The following ATP8B1 variants were observed in gnomAD, a reference collection of about 807,000 sequenced individuals.
ATP8B1 encodes the protein ATPase phospholipid transporting 8B1, also known as phospholipid-transporting ATPase IC.
In ATP8B1, 80 loss-of-function variants were observed where a neutral mutation model predicts 149.9. The observed-to-expected ratio is 0.53, with a 90% CI of 0.45 to 0.64. The LOEUF is 0.64. Among genes scored for constraint, ATP8B1 ranks in the 30% least tolerant of loss-of-function variants. The pLI is 0.00. For synonymous variants in ATP8B1, 536 were observed against 562.8 expected, an observed-to-expected ratio of 0.95 and a Z score of 0.67; for missense variants, 1,247 against 1,552.6, an observed-to-expected ratio of 0.80 and a Z score of 3.31.
At chr18:57,729,549 CTTTTTTTT>C (rs71171074) in intron 2 of ATP8B1, among the ~76,000 whole-genome samples, 2 of 120,740 alleles carry the variant, frequency 1.7e-5, no homozygotes, top group Admixed American at 9.0e-5. Context: ...TTCTTTCTTT[CTTTTTTTT>C]TTTTTTTTTT....
chr18:57,777,262 G>A (rs1159333971), intron 1 of ATP8B1, among the ~76,000 whole-genome samples: 1 of 152,166 alleles, frequency 6.6e-6, no homozygotes, highest in Non-Finnish European at 1.5e-5. Flanking sequence ...ACAGGTGTGA[G>A]CCACAGTGCC....
intron 25 of ATP8B1, 32 bp downstream of exon 25, chr18:57,652,452 G>T (rs1354118518): frequency 3.1e-6 from 5 of 1,613,764 alleles, no homozygotes; most frequent in Non-Finnish European, 4.2e-6. Flanking sequence ...GGTACCAATA[G>T]ACACTGAATA....
At chr18:57,701,654 G>T (rs1008256840) in intron 4 of ATP8B1, among the ~76,000 whole-genome samples, 1 of 152,034 alleles carries the variant, frequency 6.6e-6, no homozygotes, top group Non-Finnish European at 1.5e-5. Context: ...CTGGGGGTGA[G>T]GGGGTAGGAG....
chr18:57,752,842 T>C (rs924573936), intron 1 of ATP8B1, among the ~76,000 whole-genome samples: 13 of 152,186 alleles, frequency 8.5e-5, no homozygotes, highest in Admixed American at 5.2e-4. Context: ...CAGAACAGCA[T>C]GTAACACACA....
At chr18:57,689,920 G>T (rs753270213) in intron 12 of ATP8B1, among the ~76,000 whole-genome samples, 9 of 152,214 alleles carry the variant, frequency 5.9e-5, no homozygotes, top group Non-Finnish European at 8.8e-5. Flanking sequence ...GGAGGCTGAG[G>T]CAGGGGACTC....
chr18:57,718,618 C>T lies in ATP8B1; in HGVS notation c.182-12031G>A, dbSNP rs574932564. On this transcript the variant is annotated intron_variant, in intron 2 of 27. Transcript: ENST00000648908. The stretch of plus-strand genomic sequence containing the variant: ...ATTGATGAATGTTGATGCAAAAATC[C>T]TCAACAAAATACTAGAAAATTGAAT... Among the ~76,000 whole-genome samples the T allele has an allele frequency of 1.3e-3, 205 of 152,098 alleles. 3 individuals carry two copies. Among genetic ancestry groups the T allele is most frequent in the Admixed American group, 0.013 (202 of 15,268 alleles).
rs528416150 is a variant in ATP8B1 at position 57,765,949 on chromosome 18, G to A, written c.-25-34117C>T. Among the ~76,000 whole-genome samples the A allele has an allele frequency of 3.4e-5, 5 of 148,846 alleles. No homozygotes were observed. In the East Asian group the frequency reaches 1.0e-3, roughly 30 times the overall value. ...ATCATGCTATTGCACTCCAGCTGGGGCAACAAAGCAAGACTCTGTCTCAAA... is the reference window on the plus strand; with the variant it reads ...ATCATGCTATTGCACTCCAGCTGGGACAACAAAGCAAGACTCTGTCTCAAA... On this transcript the variant is annotated intron_variant, in intron 1 of 27. Transcript: ENST00000648908.
Position 57,647,063 on chromosome 18 carries a change from G to A in ATP8B1, c.*1425C>T, listed in dbSNP as rs986231793. 6.6e-6 allele frequency: 1 copy of A among 152,164 alleles called. No individual in the cohort carries two copies. 9.4% of individuals were successfully genotyped at this position (152,164 alleles called of 1,614,324 possible). ...CCTTTTCTCTCGACATAAGACAAGTGAAAAAGAGTGAGGTCTTTGTTCAAG... is the reference window on the plus strand; with the variant it reads ...CCTTTTCTCTCGACATAAGACAAGTAAAAAAGAGTGAGGTCTTTGTTCAAG... On this transcript the variant is annotated 3_prime_UTR_variant, in exon 28 of 28. Coordinates refer to ENST00000648908, the MANE Select transcript of ATP8B1 (RefSeq NM_001374385.1).
At chr18:57,660,078 G>A (rs757737692) in intron 22 of ATP8B1, among the ~76,000 whole-genome samples, 9 of 152,286 alleles carry the variant, frequency 5.9e-5, no homozygotes, top group South Asian at 2.1e-4. Context: ...TGAATATCCA[G>A]GTCATTAGTT....
chr18:57,670,342 TC>T (rs1157666368), intron 17 of ATP8B1, among the ~76,000 whole-genome samples: 1 of 146,780 alleles, frequency 6.8e-6, no homozygotes, highest in Non-Finnish European at 1.5e-5. Context: ...TCTTTTTTTT[TC>T]TTTTTCTTTT....
chr18:57,761,453 A>C (rs1448270729), intron 1 of ATP8B1, among the ~76,000 whole-genome samples: 1 of 152,186 alleles, frequency 6.6e-6, no homozygotes, highest in African/African-American at 2.4e-5. Context: ...GTTCTTGACC[A>C]GATCAATGAT....
At chr18:57,756,646 G>A (rs1251400279) in intron 1 of ATP8B1, among the ~76,000 whole-genome samples, 2 of 84,562 alleles carry the variant, frequency 2.4e-5, no homozygotes, top group Admixed American at 1.2e-4. Flanking sequence ...AAAGAATATG[G>A]TATTCCTTCT....
At chr18:57,661,908 C>CG (rs1910472369) in intron 21 of ATP8B1, among the ~76,000 whole-genome samples, 1 of 151,690 alleles carries the variant, frequency 6.6e-6, no homozygotes, top group Non-Finnish European at 1.5e-5. Context: ...TTAGTAGAGA[C>CG]GGGGTTTCAC....
intron 22 of ATP8B1, among the ~76,000 whole-genome samples, chr18:57,656,182 T>A (rs1445078601): frequency 6.6e-6 from 1 of 152,080 alleles, no homozygotes; most frequent in Non-Finnish European, 1.5e-5. Flanking sequence ...CCAGAGCTTT[T>A]GAAAGTACCT....
At chr18:57,753,476 G>GTAT (rs138202415) in intron 1 of ATP8B1, among the ~76,000 whole-genome samples, 21,075 of 152,220 alleles carry the variant, frequency 0.14, 1,868 homozygotes, top group South Asian at 0.31. Context: ...ATAAACCAAT[G>GTAT]TATTAACATG....
intron 20 of ATP8B1, among the ~76,000 whole-genome samples, chr18:57,663,440 G>C (rs1910630019): frequency 6.6e-6 from 1 of 152,122 alleles, no homozygotes; most frequent in South Asian, 2.1e-4. Context: ...TTATTTTGTG[G>C]ATATACCCAG....
intron 1 of ATP8B1, among the ~76,000 whole-genome samples, chr18:57,797,220 A>G (rs1428028434): frequency 1.3e-5 from 2 of 152,214 alleles, no homozygotes; most frequent in Admixed American, 6.5e-5. Flanking sequence ...AAGGTTAGAA[A>G]ACTGTTTTCA....
chr18:57,778,522 G>A (rs1306577462), intron 1 of ATP8B1, among the ~76,000 whole-genome samples: 1 of 152,018 alleles, frequency 6.6e-6, no homozygotes, highest in African/African-American at 2.4e-5. Flanking sequence ...GAGCCACCGC[G>A]CCCGGCCTAT....
intron 11 of ATP8B1, among the ~76,000 whole-genome samples, chr18:57,692,353 T>G (rs1014894040): frequency 5.9e-5 from 9 of 151,930 alleles, no homozygotes; most frequent in Non-Finnish European, 1.3e-4. Flanking sequence ...GGAAGATATC[T>G]TACTTAGCAT....
Sources: allele counts gnomAD v4.1 joint callset (sites outside exome capture counted in the v4.1 genomes callset), GRCh38; gene constraint gnomAD v4.1.1; transcripts MANE v1.5; gene names NCBI Gene and HGNC (gene_info 2026-07-23, HGNC 2026-07-21).